Variants in FHIP2B observed in about 807,000 individuals in gnomAD.
FHIP2B encodes FHF complex subunit HOOK-interacting protein 2B.
Under a neutral mutation model 84.0 loss-of-function variants are expected in FHIP2B, and 72 were observed. The ratio of observed to expected loss-of-function variants is 0.86; its 90% CI spans 0.71 to 1.04. The LOEUF is 1.04. FHIP2B is among the 50% of genes least tolerant of loss of function. FHIP2B has a pLI of 0.00. For synonymous variants in FHIP2B, 497 were observed against 418.7 expected, an observed-to-expected ratio of 1.19 and a Z score of -2.28; for missense variants, 972 against 968.9, an observed-to-expected ratio of 1.00 and a Z score of -0.04.
intron 3 of FHIP2B, chr8:22,096,802 G>A (rs888485514): frequency 2.6e-5 from 8 of 304,404 alleles, no homozygotes; most frequent in South Asian, 7.2e-5. Context: ...CCATCCCAGC[G>A]CTCCTGTTCC....
Position 22,100,936 on chromosome 8 carries a change from A to G in FHIP2B, c.1580A>G (p.Tyr527Cys). ...AKPRLAPATS[Y>C]DGKTAVTEIV... Reference sequence around the variant, plus strand: ...CCTCGCCTAGCTCCTGCTACCAGTTACGATGGCAAAACAGCAGTGACCGAG... The same window carrying G: ...CCTCGCCTAGCTCCTGCTACCAGTTGCGATGGCAAAACAGCAGTGACCGAG... The change falls in exon 12 of 17, where the codon TAC (tyrosine) becomes TGC (cysteine). Residue 527 changes from tyrosine (Y) to cysteine (C), a missense_variant. By Grantham distance (194) the Tyr-to-Cys change is radical (BLOSUM62 -2). Coordinates refer to ENST00000289921, the MANE Select transcript of FHIP2B (RefSeq NM_022749.7). 6.2e-7 allele frequency: 1 copy of G among 1,613,892 alleles called. No homozygotes were observed. Among genetic ancestry groups the G allele is most frequent in the Non-Finnish European group, 8.5e-7 (1 of 1,179,892 alleles).
Position 22,102,968 on chromosome 8 carries a change from C to G in FHIP2B, c.*37C>G. ...GGCGGTGGGAGACTCCTGTCCACACCTCTGCCCCAGAGCTGCCTCCTGCCT... is the reference window on the plus strand; with the variant it reads ...GGCGGTGGGAGACTCCTGTCCACACGTCTGCCCCAGAGCTGCCTCCTGCCT... On this transcript the variant is annotated 3_prime_UTR_variant, in exon 17 of 17. Coordinates refer to ENST00000289921, the MANE Select transcript of FHIP2B (RefSeq NM_022749.7). The G allele has an allele frequency of 6.3e-7, 1 of 1,599,276 alleles. No homozygotes were observed. The highest frequency in any genetic ancestry group is 8.5e-7 in the Non-Finnish European group (1 of 1,172,468).
rs1826224314 is a variant in FHIP2B at position 22,103,249 on chromosome 8, G to A, written c.*318G>A. ...CTGGCCCCTTCTGTACTGGCCATTT[G>A]TGGCCAGGGCCAAGCCTGTGACTCA... On this transcript the variant is annotated 3_prime_UTR_variant, in exon 17 of 17. Coordinates refer to ENST00000289921, the MANE Select transcript of FHIP2B (RefSeq NM_022749.7). The A allele has an allele frequency of 3.2e-6, 1 of 309,398 alleles. No homozygotes were observed. The highest frequency in any genetic ancestry group is 6.1e-6 in the Non-Finnish European group (1 of 165,138). The allele number at this position is 309,398 out of a possible 1,614,324, so 19.2% of individuals were successfully genotyped here.
chr8:22,090,005 G>C (rs966392418), intron 1 of FHIP2B, among the ~76,000 whole-genome samples: 1 of 152,070 alleles, frequency 6.6e-6, no homozygotes, highest in Non-Finnish European at 1.5e-5. Flanking sequence ...CCTGTGCGGG[G>C]AGGAGAGTCC....
chr8:22,090,084 G>A (rs923397389), intron 1 of FHIP2B, among the ~76,000 whole-genome samples: 3 of 141,176 alleles, frequency 2.1e-5, no homozygotes, highest in Non-Finnish European at 3.0e-5. Context: ...CTGGCAGGCA[G>A]CCTACTACTA....
At chr8:22,091,240 C>CTTTTTTT (rs71204535) in intron 1 of FHIP2B, among the ~76,000 whole-genome samples, 6 of 117,710 alleles carry the variant, frequency 5.1e-5, no homozygotes, top group African/African-American at 1.8e-4. Context: ...ATCATTACAG[C>CTTTTTTT]TTTTTTTTTT....
intron 10 of FHIP2B, 137 bp downstream of exon 10, chr8:22,100,030 CT>C: frequency 1.2e-6 from 1 of 806,652 alleles, no homozygotes; most frequent in Non-Finnish European, 1.8e-6. Context: ...TGCCGAGCCA[CT>C]TTTATCACAC....
Position 22,089,203 on chromosome 8 carries a change from A to G in FHIP2B, c.-51A>G, listed in dbSNP as rs1204041321. On this transcript the variant is annotated 5_prime_UTR_variant, in exon 1 of 17. Coordinates refer to ENST00000289921, the MANE Select transcript of FHIP2B (RefSeq NM_022749.7). The stretch of plus-strand genomic sequence containing the variant: ...GGCCACGGGGCTGCCTCCTCCGCCT[A>G]GAGCGCTGCCGCCGCCGCTTTCGCC... 4 of 1,045,936 alleles carry G rather than the reference A, an allele frequency of 3.8e-6. No homozygotes were observed. The highest frequency in any genetic ancestry group is 1.4e-4 in the East Asian group (2 of 14,088). 64.8% of individuals were successfully genotyped at this position (1,045,936 alleles called of 1,614,324 possible). A position where few individuals can be genotyped will look rare whatever the true frequency, so the allele number is the denominator to read the frequency against.
At chr8:22,089,798 C>T in intron 1 of FHIP2B, 1 of 1,286,534 alleles carries the variant, frequency 7.8e-7, no homozygotes, top group African/African-American at 1.5e-5. Context: ...GGACGCCCTT[C>T]CCGTCACCCC....
intron 1 of FHIP2B, among the ~76,000 whole-genome samples, chr8:22,090,781 C>T (rs1452356800): frequency 3.9e-5 from 6 of 152,144 alleles, no homozygotes; most frequent in Admixed American, 6.5e-5. Context: ...TGCGGCACCA[C>T]GCCAGGCTAA....
intron 8 of FHIP2B, 60 bp from the exon 9 acceptor site, chr8:22,099,224 G>GT: frequency 6.3e-7 from 1 of 1,593,242 alleles, no homozygotes; most frequent in Non-Finnish European, 8.6e-7. Flanking sequence ...CAAGAACACG[G>GT]TTATTTCTCA....
intron 10 of FHIP2B, 171 bp downstream of exon 10, chr8:22,100,064 C>CTTT: frequency 6.2e-6 from 3 of 487,160 alleles, no homozygotes; most frequent in African/African-American, 2.2e-5. Flanking sequence ...TGATCATATA[C>CTTT]TTTTTTTTTT....
intron 1 of FHIP2B, among the ~76,000 whole-genome samples, chr8:22,090,413 G>C (rs1825426864): frequency 6.6e-6 from 1 of 152,186 alleles, no homozygotes; most frequent in Non-Finnish European, 1.5e-5. Context: ...CACCTTCCCA[G>C]CCCTGCTGTT....
intron 1 of FHIP2B, chr8:22,089,853 G>A: frequency 7.8e-7 from 1 of 1,282,196 alleles, no homozygotes; most frequent in Non-Finnish European, 1.0e-6. Context: ...TCCCCACGAA[G>A]GGTAAAGACC....
Position 22,101,365 on chromosome 8 carries a change from A to G in FHIP2B, c.1617-75A>G. ...CCACAGCCCTGGGGTCCAGTCAGGGAGGGAGATGGGGTCCCACAAGCAGGG... is the reference window on the plus strand; with the variant it reads ...CCACAGCCCTGGGGTCCAGTCAGGGGGGGAGATGGGGTCCCACAAGCAGGG... On this transcript the variant is annotated intron_variant, in intron 12 of 16. Coordinates refer to ENST00000289921, the MANE Select transcript of FHIP2B (RefSeq NM_022749.7). 2.4e-6 allele frequency: 3 copies of G among 1,243,194 alleles called. No homozygotes were observed. In the South Asian group the frequency reaches 3.9e-5, roughly 16 times the overall value. The allele number at this position is 1,243,194 out of a possible 1,614,324, so 77.0% of individuals were successfully genotyped here. A position where few individuals can be genotyped will look rare whatever the true frequency, so the allele number is the denominator to read the frequency against.
At chr8:22,095,738 T>G (rs1430214138) in intron 2 of FHIP2B, 2 of 152,268 alleles carry the variant, frequency 1.3e-5, no homozygotes, top group African/African-American at 4.8e-5. Flanking sequence ...CAGAACTTTC[T>G]TTAAAACACA....
chr8:22,096,569 A>C, intron 3 of FHIP2B, 60 bp downstream of exon 3: 1 of 1,437,462 alleles, frequency 7.0e-7, no homozygotes, highest in Non-Finnish European at 9.1e-7. Flanking sequence ...GCGCTTGGCC[A>C]GGCCGAGGTG....
intron 12 of FHIP2B, 79 bp downstream of exon 12, chr8:22,101,051 C>T (rs1313318754): frequency 9.3e-6 from 14 of 1,500,602 alleles, no homozygotes; most frequent in African/African-American, 2.8e-5. Flanking sequence ...AGTCTCGCTC[C>T]GTCACCCAGG....
chr8:22,098,772 T>C (rs542194941), intron 7 of FHIP2B, among the ~76,000 whole-genome samples, 153 bp downstream of exon 7: 1 of 152,300 alleles, frequency 6.6e-6, no homozygotes, highest in Non-Finnish European at 1.5e-5. Context: ...AGGGGACTTC[T>C]TGCCCTCCAG....
Sources: gnomAD v4.1 joint callset for allele counts (sites outside exome capture counted in the v4.1 genomes callset) on GRCh38, gnomAD v4.1.1 for gene constraint, MANE v1.5 for transcripts, NCBI Gene and HGNC (gene_info 2026-07-23, HGNC 2026-07-21) for gene names.